PCDH17: variants seen among roughly 807,000 people sequenced by gnomAD.
PCDH17 encodes the protein protocadherin-17.
Under a neutral mutation model 67.7 loss-of-function variants are expected in PCDH17, and 21 were observed. The ratio of observed to expected loss-of-function variants is 0.31; its 90% CI spans 0.22 to 0.45. PCDH17 has a LOEUF of 0.45. Among genes scored for constraint, PCDH17 ranks in the 20% least tolerant of loss-of-function variants. PCDH17 has a pLI of 1.00. For missense variants in PCDH17, 1,471 were observed against 1,564.8 expected (o/e 0.94, Z 1.01); for synonymous variants, 701 against 656.7 (o/e 1.07, Z -1.03).
At chr13:57,671,210 G>A (rs1340895434) in intron 3 of PCDH17, among the ~76,000 whole-genome samples, 2 of 151,312 alleles carry the variant, frequency 1.3e-5, no homozygotes, top group Non-Finnish European at 2.9e-5. Flanking sequence ...TACCATAATA[G>A]GATATTACTT....
intron 1 of PCDH17, among the ~76,000 whole-genome samples, chr13:57,637,829 G>C (rs1402949798): frequency 6.6e-6 from 1 of 151,992 alleles, no homozygotes; most frequent in African/African-American, 2.4e-5. Context: ...TAAGATTTAA[G>C]TATCAAAGCA....
At chr13:57,630,285 T>C (rs891967056), upstream of PCDH17, among the ~76,000 whole-genome samples, 1 of 151,286 alleles carries the variant, frequency 6.6e-6, no homozygotes, top group African/African-American at 2.4e-5. Flanking sequence ...CATATCTTTC[T>C]CAGACTGTGG....
chr13:57,679,759 G>A (rs948385186), intron 3 of PCDH17, among the ~76,000 whole-genome samples: 7 of 151,410 alleles, frequency 4.6e-5, no homozygotes, highest in Admixed American at 2.0e-4. Flanking sequence ...TACAAGCTAA[G>A]AGTATTTGTA....
At chr13:57,697,714 G>A (rs1267119846) in intron 3 of PCDH17, among the ~76,000 whole-genome samples, 2 of 150,494 alleles carry the variant, frequency 1.3e-5, no homozygotes, top group Non-Finnish European at 3.0e-5. Flanking sequence ...TACAAATAAT[G>A]AAATAAAACA....
At chr13:57,630,424 G>A (rs1443525330), upstream of PCDH17, among the ~76,000 whole-genome samples, 2 of 151,248 alleles carry the variant, frequency 1.3e-5, no homozygotes, top group Non-Finnish European at 2.9e-5. Context: ...TTTGTGAATA[G>A]AAAAAATTGA....
rs545321477 is a variant in PCDH17, at chr13:57,666,451, T to C, written c.2566-17T>C. Reference sequence around the variant, plus strand: ...CCAGTGTACAACTATACGTATTTTTTTCCTTCTCTTTCACAGACAGACAAT... The same window carrying C: ...CCAGTGTACAACTATACGTATTTTTCTCCTTCTCTTTCACAGACAGACAAT... On this transcript the variant is annotated splice_polypyrimidine_tract_variant and intron_variant, in intron 1 of 3. Coordinates refer to ENST00000377918, the MANE Select transcript of PCDH17 (RefSeq NM_001040429.3). The C allele has an allele frequency of 6.2e-7, 1 of 1,607,184 alleles. No homozygotes were observed. Among genetic ancestry groups the C allele is most frequent in the South Asian group, 1.1e-5 (1 of 90,946 alleles).
At chr13:57,664,857 G>A (rs1955230488) in intron 1 of PCDH17, among the ~76,000 whole-genome samples, 1 of 152,132 alleles carries the variant, frequency 6.6e-6, no homozygotes, top group African/African-American at 2.4e-5. Context: ...TGCCACTGGT[G>A]TTGACTACTG....
At chr13:57,635,601 T>G (rs1954813753) in intron 1 of PCDH17, among the ~76,000 whole-genome samples, 1 of 152,242 alleles carries the variant, frequency 6.6e-6, no homozygotes, top group African/African-American at 2.4e-5. Context: ...ATTTCAGAGT[T>G]CATTCAATTT....
At chr13:57,694,204 C>T (rs1955585751) in intron 3 of PCDH17, among the ~76,000 whole-genome samples, 1 of 151,128 alleles carries the variant, frequency 6.6e-6, no homozygotes, top group South Asian at 2.1e-4. Flanking sequence ...GCTATGTTTT[C>T]TCAGCTAAAG....
At chr13:57,660,647 A>G (rs1208674675) in intron 1 of PCDH17, among the ~76,000 whole-genome samples, 1 of 152,232 alleles carries the variant, frequency 6.6e-6, no homozygotes, top group African/African-American at 2.4e-5. Context: ...CAGTTCTATC[A>G]CTTTAAAAGC....
In PCDH17 at chr13:57,663,101, A is replaced by T. The variant is rs187755702; in HGVS notation, c.2566-3367A>T. ...TGTAGATTTTTAAATAGATCATCAT[A>T]TAGTTTTTAAAATACCTACTTGAAA... On this transcript the variant is annotated intron_variant, in intron 1 of 3. Transcript: ENST00000377918. Among the ~76,000 whole-genome samples the T allele has an allele frequency of 2.0e-5, 3 of 152,170 alleles. No individual in the cohort carries two copies. In the East Asian group the frequency reaches 5.8e-4, roughly 29 times the overall value.
At chr13:57,694,994 A>G (rs915376227) in intron 3 of PCDH17, among the ~76,000 whole-genome samples, 1 of 151,148 alleles carries the variant, frequency 6.6e-6, no homozygotes, top group Non-Finnish European at 1.5e-5. Context: ...AGTGTTTTGT[A>G]TTTTATTAAC....
intron 3 of PCDH17, among the ~76,000 whole-genome samples, chr13:57,671,994 A>G (rs1276709096): frequency 1.3e-5 from 2 of 151,978 alleles, no homozygotes; most frequent in South Asian, 2.1e-4. Context: ...CTAGTTTTCT[A>G]TTTAATTCTA....
intron 1 of PCDH17, among the ~76,000 whole-genome samples, chr13:57,635,818 A>G (rs1439063539): frequency 6.6e-6 from 1 of 152,194 alleles, no homozygotes; most frequent in Non-Finnish European, 1.5e-5. Flanking sequence ...ACTAGTAACT[A>G]TCTATGAAAA....
chr13:57,684,715 A>T (rs1318871194), intron 3 of PCDH17, among the ~76,000 whole-genome samples: 1 of 152,014 alleles, frequency 6.6e-6, no homozygotes, highest in African/African-American at 2.4e-5. Flanking sequence ...GTTTTACATT[A>T]TGAGTATTAT....
At position 57,632,780 on chromosome 13, in the gene PCDH17, C is replaced by T. The variant is rs367873650; in HGVS notation, c.234C>T (p.Asp78=). 4.0e-5 allele frequency: 64 copies of T among 1,613,010 alleles called. No homozygotes were observed. The highest frequency in any genetic ancestry group is 5.2e-5 in the Non-Finnish European group (61 of 1,179,946). The change falls in exon 1 of 4, where the codon GAC becomes GAT. Residue 78 remains aspartate, a synonymous_variant. Transcript: ENST00000377918. The part of the protein sequence containing the change: ...ENSAPHLLDV[D]ADSGLLYTKQ... ...CCGCACCGCACCTGCTGGACGTGGA[C>T]GCAGACAGCGGGCTCCTCTACACCA... is the stretch of plus-strand genomic sequence containing the variant.
At chr13:57,715,800 A>G (rs572954248) in intron 3 of PCDH17, among the ~76,000 whole-genome samples, 1 of 152,010 alleles carries the variant, frequency 6.6e-6, no homozygotes, top group East Asian at 1.9e-4. Context: ...TTCTAAAATA[A>G]TCCTTTAATA....
At chr13:57,676,029 G>C (rs552427718) in intron 3 of PCDH17, among the ~76,000 whole-genome samples, 1 of 151,824 alleles carries the variant, frequency 6.6e-6, no homozygotes, top group East Asian at 1.9e-4. Flanking sequence ...ATTAGTTTTT[G>C]GGATAAGAAA....
intron 3 of PCDH17, among the ~76,000 whole-genome samples, chr13:57,701,311 G>A (rs955374720): frequency 2.0e-5 from 3 of 152,084 alleles, no homozygotes; most frequent in African/African-American, 7.2e-5. Context: ...ACCTGTAGAA[G>A]TGAAGCAAAA....
Sources: allele counts gnomAD v4.1 joint callset (sites outside exome capture counted in the v4.1 genomes callset), GRCh38; gene constraint gnomAD v4.1.1; transcripts MANE v1.5; gene names NCBI Gene and HGNC (gene_info 2026-07-23, HGNC 2026-07-21).